Variants in SPATA16 observed in about 807,000 individuals in gnomAD.
SPATA16 encodes spermatogenesis-associated protein 16.
In SPATA16, 36 loss-of-function variants were observed where a neutral mutation model predicts 63.3. The ratio of observed to expected loss-of-function variants is 0.57; its 90% CI spans 0.44 to 0.75. The LOEUF (loss-of-function observed/expected upper bound fraction) is 0.75, where lower values mean the gene tolerates loss of function less well. Among genes scored for constraint, SPATA16 ranks in the 30% least tolerant of loss-of-function variants. The pLI, the probability that SPATA16 is intolerant of heterozygous loss-of-function variation, is 0.00. For missense variants in SPATA16, 646 were observed against 679.3 expected (o/e 0.95, Z 0.54); for synonymous variants, 203 against 216.7 (o/e 0.94, Z 0.56).
rs549705598 is a variant in SPATA16 at position 172,995,748 on chromosome 3, AAAC to A, written c.849-18699_849-18697del. On this transcript the variant is annotated intron_variant, in intron 4 of 10. Coordinates refer to ENST00000351008, the MANE Select transcript of SPATA16 (RefSeq NM_031955.6). ...ACAAACATAACAAACAAGCTATTTT[AAAC>A]AACAACTTTTTTTTACTTTGAAAGA... is the stretch of plus-strand genomic sequence containing the variant. 2.4e-4 allele frequency among the ~76,000 whole-genome samples: 37 copies of A among 152,238 alleles called. 1 individual carries two copies. The highest frequency in any genetic ancestry group is 1.8e-3 in the Admixed American group (28 of 15,276).
intron 1 of SPATA16, among the ~76,000 whole-genome samples, chr3:173,128,168 G>A (rs2108345525): frequency 6.6e-6 from 1 of 152,218 alleles, no homozygotes; most frequent in African/African-American, 2.4e-5. Flanking sequence ...TACAGGCTCT[G>A]GTTCCAGGCT....
intron 2 of SPATA16, among the ~76,000 whole-genome samples, chr3:173,105,641 TC>T (rs1241596677): frequency 6.6e-6 from 1 of 152,186 alleles, no homozygotes; most frequent in Non-Finnish European, 1.5e-5. Flanking sequence ...CCCCTGTGCT[TC>T]CGGCATGTTT....
intron 10 of SPATA16, among the ~76,000 whole-genome samples, chr3:172,911,449 T>A (rs1194015694): frequency 6.6e-6 from 1 of 152,194 alleles, no homozygotes; most frequent in Admixed American, 6.5e-5. Flanking sequence ...CCCGAAGACA[T>A]GGTGGTTGCT....
chr3:173,069,305 T>C (rs542896712), intron 2 of SPATA16, among the ~76,000 whole-genome samples: 1 of 151,458 alleles, frequency 6.6e-6, no homozygotes, highest in East Asian at 1.9e-4. Flanking sequence ...AAGGAGACAA[T>C]GTAACTGATA....
At chr3:173,026,453 G>A (rs1324676854) in intron 3 of SPATA16, among the ~76,000 whole-genome samples, 1 of 151,578 alleles carries the variant, frequency 6.6e-6, no homozygotes, top group Non-Finnish European at 1.5e-5. Flanking sequence ...CCAACTTATC[G>A]ACTGTTTTTC....
At chr3:173,097,790 CA>C (rs1737394185) in intron 2 of SPATA16, among the ~76,000 whole-genome samples, 1 of 152,152 alleles carries the variant, frequency 6.6e-6, no homozygotes, top group Non-Finnish European at 1.5e-5. Context: ...CTACTTCCAG[CA>C]GAGTTGAAAA....
intron 4 of SPATA16, among the ~76,000 whole-genome samples, chr3:173,001,435 G>A (rs1734826786): frequency 6.6e-6 from 1 of 151,938 alleles, no homozygotes; most frequent in Non-Finnish European, 1.5e-5. Context: ...AGAATGCTGT[G>A]GTGTATTTCA....
intron 2 of SPATA16, among the ~76,000 whole-genome samples, chr3:173,111,734 T>G (rs1442263937): frequency 1.3e-5 from 2 of 152,148 alleles, no homozygotes; most frequent in Non-Finnish European, 2.9e-5. Flanking sequence ...TTGAATGGGC[T>G]CCAAAATGGA....
chr3:173,108,115 T>A (rs988708365), intron 2 of SPATA16, among the ~76,000 whole-genome samples: 12 of 152,296 alleles, frequency 7.9e-5, no homozygotes, highest in Non-Finnish European at 1.0e-4. Context: ...ATGAAAAAGA[T>A]CTTCCTCAGC....
intron 1 of SPATA16, among the ~76,000 whole-genome samples, chr3:173,128,424 T>G (rs375675489): frequency 3.9e-5 from 6 of 152,254 alleles, no homozygotes; most frequent in African/African-American, 1.4e-4. Flanking sequence ...TCACAAAAAG[T>G]TCATAGTTTA....
rs1732676967 is a variant in SPATA16 at position 172,924,243 on chromosome 3, G to A, written c.1303C>T (p.Pro435Ser). The change falls in exon 8 of 11, where the codon CCA becomes TCA. Residue 435 changes from proline (P) to serine (S), a missense_variant. Physicochemically the swap from Pro to Ser is moderately conservative, Grantham distance 74. Transcript: ENST00000351008. ...GTGCTTCTAATAAAATCCAATATTG[G>A]CAAGATTCGCTTCCCCATTGTCTCC... is the stretch of plus-strand genomic sequence containing the variant. ...QMETMGKRIL[P>S]ILDFIRSTQL... is the part of the protein sequence containing the mutation. 6.2e-7 allele frequency: 1 copy of A among 1,613,104 alleles called. No individual in the cohort carries two copies. Among genetic ancestry groups the A allele is most frequent in the Non-Finnish European group, 8.5e-7 (1 of 1,179,578 alleles).
intron 10 of SPATA16, among the ~76,000 whole-genome samples, chr3:172,908,206 G>A (rs905109127): frequency 3.9e-5 from 6 of 152,168 alleles, no homozygotes; most frequent in African/African-American, 1.4e-4. Context: ...GTTCAAAAGA[G>A]TATGTTTCCT....
At chr3:172,980,098 A>G (rs1404714811) in intron 4 of SPATA16, among the ~76,000 whole-genome samples, 1 of 152,188 alleles carries the variant, frequency 6.6e-6, no homozygotes, top group Non-Finnish European at 1.5e-5. Context: ...CTCAGCCCTC[A>G]TGAATCAGTG....
chr3:173,069,610 A>C lies in SPATA16; in HGVS notation c.613-20516T>G, dbSNP rs372687039. 2.2e-4 allele frequency among the ~76,000 whole-genome samples: 34 copies of C among 152,338 alleles called. No homozygotes were observed. In the East Asian group the frequency reaches 4.4e-3, roughly 20 times the overall value. ...TAACTATTCTAAACAATTGAGGAGG[A>C]GGAAATACTTCCAGACTTATTCTAT... On this transcript the variant is annotated intron_variant, in intron 2 of 10. Coordinates refer to ENST00000351008, the MANE Select transcript of SPATA16 (RefSeq NM_031955.6).
At chr3:173,057,759 T>G (rs1473160478) in intron 2 of SPATA16, among the ~76,000 whole-genome samples, 2 of 152,246 alleles carry the variant, frequency 1.3e-5, no homozygotes, top group African/African-American at 4.8e-5. Flanking sequence ...AGTAAGCGTT[T>G]AGAAACTTTT....
intron 6 of SPATA16, among the ~76,000 whole-genome samples, chr3:172,944,949 C>T (rs1398332944): frequency 3.3e-5 from 5 of 152,116 alleles, no homozygotes; most frequent in African/African-American, 1.2e-4. Context: ...TGCTGCTGAT[C>T]TGTACACTTA....
chr3:173,092,113 T>C (rs968149606), intron 2 of SPATA16, among the ~76,000 whole-genome samples: 1 of 152,130 alleles, frequency 6.6e-6, no homozygotes, highest in African/African-American at 2.4e-5. Context: ...ATAAGCAGAA[T>C]TGATGCAAAT....
Position 173,117,767 on chromosome 3 carries a change from A to G in SPATA16, c.-18-18T>C, listed in dbSNP as rs1343297814. ...CAAAACTCCTGCAGGGGGGAGAAAA[A>G]GGAAAGTAATTAAGGCAATATTTTG... On this transcript the variant is annotated intron_variant, in intron 1 of 10. Transcript: ENST00000351008. The G allele has an allele frequency of 6.2e-7, 1 of 1,613,968 alleles. No homozygotes were observed. The highest frequency in any genetic ancestry group is 1.7e-5 in the Admixed American group (1 of 60,016).
intron 8 of SPATA16, among the ~76,000 whole-genome samples, chr3:172,922,438 T>C (rs564853666): frequency 2.2e-4 from 34 of 152,244 alleles, no homozygotes; most frequent in Non-Finnish European, 4.1e-4. Context: ...AAAAGATTCA[T>C]GTCTAAACAA....
Sources: allele counts gnomAD v4.1 joint callset (sites outside exome capture counted in the v4.1 genomes callset), GRCh38; gene constraint gnomAD v4.1.1; transcripts MANE v1.5; gene names NCBI Gene and HGNC (gene_info 2026-07-23, HGNC 2026-07-21).